ATP10B: variants seen among roughly 807,000 people sequenced by gnomAD.
The protein encoded by ATP10B is ATPase phospholipid transporting 10B (putative).
Under a neutral mutation model 141.2 loss-of-function variants are expected in ATP10B, and 122 were observed. The ratio of observed to expected loss-of-function variants is 0.86; its 90% CI spans 0.75 to 1.00. The LOEUF (loss-of-function observed/expected upper bound fraction) is 1.00. Among genes scored for constraint, ATP10B ranks in the 50% least tolerant of loss-of-function variants. The pLI is 0.00. For missense variants in ATP10B, 1,876 were observed against 1,825.3 expected, an observed-to-expected ratio of 1.03 and a Z score of -0.51; for synonymous variants, 685 against 692.0, an observed-to-expected ratio of 0.99 and a Z score of 0.16.
intron 1 of ATP10B, among the ~76,000 whole-genome samples, chr5:160,833,108 C>A (rs1775202665): frequency 6.6e-6 from 1 of 151,994 alleles, no homozygotes; most frequent in African/African-American, 2.4e-5. Context: ...TGGTGGCAGG[C>A]TAGTATGATG....
intron 1 of ATP10B, among the ~76,000 whole-genome samples, chr5:160,801,340 A>G (rs1772358663): frequency 6.6e-6 from 1 of 152,190 alleles, no homozygotes; most frequent in Non-Finnish European, 1.5e-5. Flanking sequence ...TCCTCCAGGT[A>G]AACAGCTCCA....
intron 22 of ATP10B, among the ~76,000 whole-genome samples, chr5:160,595,956 C>G (rs901331248): frequency 3.9e-5 from 6 of 152,038 alleles, no homozygotes; most frequent in Non-Finnish European, 8.8e-5. Context: ...CGAATTCTAC[C>G]AGAGGTACAA....
the ATP10B span, among the ~76,000 whole-genome samples, chr5:160,917,590 TAGA>T: frequency 6.6e-6 from 1 of 152,258 alleles, no homozygotes; most frequent in Non-Finnish European, 1.5e-5. Context: ...ATTGATCACC[TAGA>T]AGATCTTTAC....
chr5:160,598,811 G>C lies in ATP10B; in HGVS notation c.3523C>G (p.Leu1175Val), dbSNP rs753919903. ...CTCTTGTATAGCTCAGGCAATGCCA[G>C]GAGTGTTTCTGCAGAGATGTCTTTG... ...LDKDISAETLLALPELYKSGQ... is the reference protein window; with the variant it reads ...LDKDISAETLVALPELYKSGQ... The change falls in exon 22 of 26, where the codon CTG becomes GTG. Residue 1175 changes from leucine to valine, a missense_variant. Physicochemically the swap from Leu to Val is conservative, Grantham distance 32. Transcript: ENST00000327245. 4.3e-6 allele frequency: 7 copies of C among 1,614,038 alleles called. No homozygotes were observed. The South Asian group carries it at 7.7e-5, about 18-fold the overall frequency.
chr5:160,825,116 C>T (rs547746316), intron 1 of ATP10B, among the ~76,000 whole-genome samples: 9 of 152,204 alleles, frequency 5.9e-5, no homozygotes, highest in African/African-American at 2.2e-4. Context: ...TCTCTCTACC[C>T]CACTCTGCTG....
intron 2 of ATP10B, among the ~76,000 whole-genome samples, chr5:160,773,198 T>C (rs1770032674): frequency 6.6e-6 from 1 of 152,142 alleles, no homozygotes; most frequent in African/African-American, 2.4e-5. Context: ...CCTGAGGAGT[T>C]TTGAAAAGTA....
intron 25 of ATP10B, 63 bp downstream of exon 25, chr5:160,569,433 A>G (rs1330921178): frequency 1.3e-6 from 2 of 1,557,762 alleles, no homozygotes; most frequent in Non-Finnish European, 1.8e-6. Context: ...TTGGGTTATA[A>G]AAATGGCTTA....
At chr5:160,877,821 C>T in the ATP10B span, among the ~76,000 whole-genome samples, 1 of 126,546 alleles carries the variant, frequency 7.9e-6, no homozygotes, top group South Asian at 2.8e-4. Flanking sequence ...AGGAATCCAA[C>T]TTACAAGGGA....
chr5:160,868,172 T>C, the ATP10B span, among the ~76,000 whole-genome samples: 13 of 152,134 alleles, frequency 8.5e-5, no homozygotes, highest in Admixed American at 4.6e-4. Flanking sequence ...GCTGCCAGAC[T>C]ACCGTCATAT....
At chr5:160,583,286 A>G (rs538730070) in intron 24 of ATP10B, among the ~76,000 whole-genome samples, 1 of 151,282 alleles carries the variant, frequency 6.6e-6, no homozygotes, top group African/African-American at 2.4e-5. Context: ...TTTTTTGTTG[A>G]TGTTGATGCT....
intron 23 of ATP10B, 37 bp from the exon 24 acceptor site, chr5:160,589,733 TCTGTGGA>T (rs1472646126): frequency 6.6e-7 from 1 of 1,508,738 alleles, no homozygotes; most frequent in Admixed American, 1.7e-5. Flanking sequence ...GTCAGGTATG[TCTGTGGA>T]CTAACTTTGG....
At chr5:160,580,014 G>C (rs1373563028) in intron 24 of ATP10B, among the ~76,000 whole-genome samples, 2 of 152,104 alleles carry the variant, frequency 1.3e-5, no homozygotes, top group Admixed American at 6.6e-5. Context: ...CATTGATTTT[G>C]TATCCCAAGA....
intron 25 of ATP10B, 120 bp from the exon 26 acceptor site, chr5:160,566,020 A>C (rs1478090652): frequency 1.1e-6 from 1 of 919,418 alleles, no homozygotes; most frequent in Non-Finnish European, 1.6e-6. Flanking sequence ...CTTTACTGCT[A>C]TTAAATCCAT....
chr5:160,684,143 TG>T (rs1246763675), intron 6 of ATP10B, among the ~76,000 whole-genome samples: 2 of 152,196 alleles, frequency 1.3e-5, no homozygotes, highest in African/African-American at 4.8e-5. Flanking sequence ...GTGCAGTCTT[TG>T]CTTTGGTTAA....
At chr5:160,797,151 A>T (rs903363982) in intron 1 of ATP10B, among the ~76,000 whole-genome samples, 1 of 152,096 alleles carries the variant, frequency 6.6e-6, no homozygotes, top group Non-Finnish European at 1.5e-5. Context: ...TGGCTGGGAA[A>T]GGCATCCTTG....
the ATP10B span, among the ~76,000 whole-genome samples, chr5:160,898,994 G>A: frequency 2.0e-5 from 3 of 151,854 alleles, no homozygotes; most frequent in African/African-American, 7.3e-5. Flanking sequence ...GGCCTGTCAG[G>A]GGGTGGGGGT....
At chr5:160,868,751 C>T in the ATP10B span, among the ~76,000 whole-genome samples, 2 of 152,068 alleles carry the variant, frequency 1.3e-5, no homozygotes, top group South Asian at 4.1e-4. Flanking sequence ...ACACATTAGA[C>T]ATGACTAACT....
intron 2 of ATP10B, among the ~76,000 whole-genome samples, chr5:160,755,838 AATATATATATATATATATATAT>A (rs1181077522): frequency 4.0e-4 from 18 of 45,420 alleles, no homozygotes; most frequent in African/African-American, 1.3e-3. Context: ...AAAAAAAAAA[AATATATATATATATATATATAT>A]ATATATATAT....
chr5:160,589,097 C>T lies in ATP10B; in HGVS notation c.3750+495G>A, dbSNP rs138776422. ...CATGATCTTGGCTCAGTGCAACCTC[C>T]GCCTCCCATGTTCAAGCAATTTTCC... On this transcript the variant is annotated intron_variant, in intron 24 of 25. Transcript: ENST00000327245. Among the ~76,000 whole-genome samples, 1,123 of 152,188 alleles carry T rather than the reference C, an allele frequency of 7.4e-3. 19 individuals are homozygous for T. The highest frequency in any genetic ancestry group is 0.024 in the African/African-American group (1,005 of 41,522).
Sources: allele counts gnomAD v4.1 joint callset (sites outside exome capture counted in the v4.1 genomes callset), GRCh38; gene constraint gnomAD v4.1.1; transcripts MANE v1.5; gene names NCBI Gene and HGNC (gene_info 2026-07-23, HGNC 2026-07-21).